Variants in NME8 observed in about 807,000 individuals in gnomAD.
NME8 encodes NME/NM23 family member 8, also known as protein NME8.
A neutral mutation model predicts 82.3 loss-of-function variants in NME8; 72 were observed. The observed-to-expected ratio is 0.87, with a 90% confidence interval of 0.72 to 1.06. NME8 has a LOEUF of 1.06. NME8 is among the 50% of genes least tolerant of loss of function. The pLI, the probability that NME8 is intolerant of heterozygous loss-of-function variation, is 0.00. For synonymous variants in NME8, 267 were observed against 228.5 expected (o/e 1.17, Z -1.52); for missense variants, 712 against 685.4 (o/e 1.04, Z -0.43).
chr7:37,894,671 T>A (rs1785191782), intron 16 of NME8, 61 bp downstream of exon 16: 2 of 1,430,948 alleles, frequency 1.4e-6, no homozygotes, highest in South Asian at 1.3e-5. Context: ...TTATAGAAAC[T>A]TTGAAAAATG....
At chr7:37,865,868 A>G (rs943185796) in intron 10 of NME8, among the ~76,000 whole-genome samples, 9 of 152,064 alleles carry the variant, frequency 5.9e-5, no homozygotes, top group Non-Finnish European at 8.8e-5. Flanking sequence ...AGACCTCTTT[A>G]TGTCAGGCCC....
intron 6 of NME8, among the ~76,000 whole-genome samples, chr7:37,859,132 A>T (rs1784559903): frequency 6.6e-6 from 1 of 151,980 alleles, no homozygotes; most frequent in Admixed American, 6.6e-5. Context: ...AGCTTCGTGT[A>T]CTCCTTGATA....
At chr7:37,870,622 T>C (rs1583633815) in intron 11 of NME8, among the ~76,000 whole-genome samples, 1 of 150,608 alleles carries the variant, frequency 6.6e-6, no homozygotes, top group East Asian at 1.9e-4. Flanking sequence ...TACCAATTTG[T>C]GTTGGGCCAC....
Position 37,888,346 on chromosome 7 carries a change from C to G in NME8, c.1317C>G (p.Thr439=). 1.2e-6 allele frequency: 2 copies of G among 1,613,428 alleles called. No homozygotes were observed. The highest frequency in any genetic ancestry group is 1.7e-6 in the Non-Finnish European group (2 of 1,179,554). The stretch of plus-strand genomic sequence containing the variant: ...TGTATGGCAGCGATTCATTAGAAAC[C>G]GCTGAAAGGGAAATACAGCATTTCT... ...NQLYGSDSLE[T]AEREIQHFFP... Residue 439 remains threonine, a synonymous_variant, in exon 15 of 18, where the codon ACC becomes ACG. Coordinates refer to ENST00000199447, the MANE Select transcript of NME8 (RefSeq NM_016616.5).
chr7:37,877,440 A>G (rs1428598982), intron 12 of NME8, among the ~76,000 whole-genome samples: 1 of 152,196 alleles, frequency 6.6e-6, no homozygotes, highest in Non-Finnish European at 1.5e-5. Context: ...GTTCTTTTTA[A>G]TCTCATCCCA....
At chr7:37,877,110 G>C (rs1449655104) in intron 12 of NME8, 103 bp downstream of exon 12, 18 of 943,040 alleles carry the variant, frequency 1.9e-5, no homozygotes, top group South Asian at 9.0e-5. Context: ...ATTTAACATT[G>C]AAGAAAACGC....
At chr7:37,855,517 AC>A (rs1416920914) in intron 5 of NME8, among the ~76,000 whole-genome samples, 4 of 31,690 alleles carry the variant, frequency 1.3e-4, no homozygotes, top group Admixed American at 3.1e-4. Flanking sequence ...CCCTCCCCCC[AC>A]CAAATCCCAA....
chr7:37,875,974 G>A (rs1435476597), intron 11 of NME8, among the ~76,000 whole-genome samples: 3 of 152,084 alleles, frequency 2.0e-5, no homozygotes, highest in African/African-American at 4.8e-5. Flanking sequence ...TTGGGAGGCC[G>A]AGACGGGCTG....
At chr7:37,897,186 G>C in intron 17 of NME8, 79 bp downstream of exon 17, 1 of 892,726 alleles carries the variant, frequency 1.1e-6, no homozygotes, top group Non-Finnish European at 1.8e-6. Flanking sequence ...GTCCTAAAAA[G>C]AGAAGAACTT....
intron 12 of NME8, among the ~76,000 whole-genome samples, chr7:37,878,339 C>A (rs1784889098): frequency 6.6e-6 from 1 of 152,180 alleles, no homozygotes; most frequent in East Asian, 1.9e-4. Flanking sequence ...TTACACACTG[C>A]AGGTTTTGAT....
At position 37,894,515 on chromosome 7, in the gene NME8, G is replaced by A; in HGVS notation, c.1449G>A (p.Val483=). Residue 483 remains valine (V), a synonymous_variant, in exon 16 of 18, where the codon GTG becomes GTA. Transcript: ENST00000199447. ...VKEAGFDLTQ[V]KKMFLTPEQI... Reference sequence around the variant, plus strand: ...AGGCTGGATTTGATCTGACACAGGTGAAGAAAATGTTCCTAACTCCTGAGC... The same window carrying A: ...AGGCTGGATTTGATCTGACACAGGTAAAGAAAATGTTCCTAACTCCTGAGC... 6.2e-7 allele frequency: 1 copy of A among 1,613,128 alleles called. No individual in the cohort carries two copies.
chr7:37,888,995 A>G (rs1785087375), intron 15 of NME8, among the ~76,000 whole-genome samples: 1 of 152,062 alleles, frequency 6.6e-6, no homozygotes, highest in Non-Finnish European at 1.5e-5. Context: ...CAGTGCTCCA[A>G]AAGAGTGTAA....
At chr7:37,853,134 G>T (rs1053692644) in intron 5 of NME8, among the ~76,000 whole-genome samples, 8 of 152,080 alleles carry the variant, frequency 5.3e-5, no homozygotes, top group African/African-American at 1.9e-4. Context: ...CTTTGAGGAG[G>T]TGTCTGCTAA....
At chr7:37,864,919 C>T (rs1384102676) in intron 9 of NME8, among the ~76,000 whole-genome samples, 2 of 152,090 alleles carry the variant, frequency 1.3e-5, no homozygotes, top group African/African-American at 4.8e-5. Context: ...GAGAACAGTG[C>T]AGGAAAGACT....
chr7:37,863,521 G>A (rs1184380325), intron 8 of NME8, 59 bp downstream of exon 8: 15 of 909,612 alleles, frequency 1.6e-5, no homozygotes, highest in Non-Finnish European at 2.8e-5. Flanking sequence ...GGTCATCACA[G>A]CATCACTTGT....
chr7:37,897,543 A>C (rs943444121), intron 17 of NME8, among the ~76,000 whole-genome samples: 5 of 152,142 alleles, frequency 3.3e-5, no homozygotes, highest in East Asian at 1.9e-4. Context: ...ACAAAACAAA[A>C]CAAACCAAAC....
At chr7:37,856,009 C>A (rs1372686948) in intron 5 of NME8, among the ~76,000 whole-genome samples, 1 of 152,118 alleles carries the variant, frequency 6.6e-6, no homozygotes, top group Non-Finnish European at 1.5e-5. Flanking sequence ...CAGCTGCAGA[C>A]CTCAATCTAG....
chr7:37,895,974 T>C (rs1785222572), intron 16 of NME8, among the ~76,000 whole-genome samples: 1 of 152,118 alleles, frequency 6.6e-6, no homozygotes, highest in Non-Finnish European at 1.5e-5. Flanking sequence ...AATAACCTAA[T>C]GTCACATTTC....
At position 37,897,036 on chromosome 7, in the gene NME8, G is replaced by C. The variant is rs778569092; in HGVS notation, c.1711G>C (p.Ala571Pro). 4 of 1,613,750 alleles carry C rather than the reference G, an allele frequency of 2.5e-6. No individual in the cohort carries two copies. The Admixed American group carries it at 6.7e-5, about 27-fold the overall frequency. ...AAACATTGTCCATGGAGCATCTAAC[G>C]CCTATGAAGCAAAAGAGGTTGTTAA... The part of the protein sequence containing the change: ...LKNIVHGASN[A>P]YEAKEVVNRL... Residue 571 changes from alanine to proline, a missense_variant, in exon 17 of 18, where the codon GCC becomes CCC. Transcript: ENST00000199447.
Sources: gnomAD v4.1 joint callset for allele counts (sites outside exome capture counted in the v4.1 genomes callset) on GRCh38, gnomAD v4.1.1 for gene constraint, MANE v1.5 for transcripts, NCBI Gene and HGNC (gene_info 2026-07-23, HGNC 2026-07-21) for gene names.